Variants in PRDM2 observed in about 807,000 individuals in gnomAD.
PRDM2 encodes the protein PR/SET domain 2.
Under a neutral mutation model 130.0 loss-of-function variants are expected in PRDM2, and 30 were observed. The observed-to-expected ratio is 0.23, with a 90% CI of 0.17 to 0.31. The LOEUF (loss-of-function observed/expected upper bound fraction) is 0.31. Ranked by LOEUF, PRDM2 falls within the 10% of genes least tolerant of loss-of-function variation. The pLI is 1.00. For missense variants in PRDM2, 2,011 were observed against 2,108.4 expected (o/e 0.95, Z 0.90); for synonymous variants, 871 against 782.4 (o/e 1.11, Z -1.89).
At chr1:13,822,818 A>G (rs1365122123) in intron 9 of PRDM2, among the ~76,000 whole-genome samples, 1 of 152,156 alleles carries the variant, frequency 6.6e-6, no homozygotes, top group Non-Finnish European at 1.5e-5. Flanking sequence ...GAGATTACTG[A>G]TTGACCCTAT....
At chr1:13,720,231 G>A (rs1642678779) in intron 2 of PRDM2, among the ~76,000 whole-genome samples, 2 of 152,196 alleles carry the variant, frequency 1.3e-5, no homozygotes, top group African/African-American at 2.4e-5. Context: ...ACATTAGTAT[G>A]TGTTGACCAT....
chr1:13,705,981 C>CAAAAAAA (rs61072408), intron 1 of PRDM2, among the ~76,000 whole-genome samples: 1 of 56,774 alleles, frequency 1.8e-5, no homozygotes. Context: ...GACTCCGTCT[C>CAAAAAAA]AAAAAAAAAA....
chr1:13,757,521 T>C (rs980141782), intron 6 of PRDM2, among the ~76,000 whole-genome samples: 5 of 152,250 alleles, frequency 3.3e-5, no homozygotes, highest in African/African-American at 1.2e-4. Flanking sequence ...GTGTTGAGAC[T>C]GGGTTAACAG....
At position 13,779,762 on chromosome 1, in the gene PRDM2, C is replaced by G. The variant is rs997988365; in HGVS notation, c.1967C>G (p.Ser656Cys). ...CCCAAAATTAAGGCCGAAACAGACT[C>G]TGACCCCATGGTCCCCTCTTGCTCT... ...ALPKIKAETD[S>C]DPMVPSCSLS... The change falls in exon 8 of 10, where the codon TCT becomes TGT. Residue 656 changes from serine to cysteine, a missense_variant. Ser to Cys is a moderately radical substitution (Grantham distance 112). Transcript: ENST00000311066. This position sits in a 1 kb window ranked among gnomAD's most constrained non-coding sequence, Gnocchi z 4.9. The G allele has an allele frequency of 6.2e-7, 1 of 1,614,244 alleles. No homozygotes were observed. Among genetic ancestry groups the G allele is most frequent in the Non-Finnish European group, 8.5e-7 (1 of 1,180,050 alleles).
intron 8 of PRDM2, among the ~76,000 whole-genome samples, chr1:13,802,218 C>T (rs865947402): frequency 6.6e-6 from 1 of 152,204 alleles, no homozygotes; most frequent in Non-Finnish European, 1.5e-5. Context: ...TGTTGAACAA[C>T]ACCCGTTCAG....
chr1:13,715,759 C>A, intron 2 of PRDM2, 145 bp downstream of exon 2: 1 of 693,468 alleles, frequency 1.4e-6, no homozygotes, highest in Non-Finnish European at 2.3e-6. Flanking sequence ...TCATTGTGTT[C>A]ATACCGTGCA....
intron 3 of PRDM2, among the ~76,000 whole-genome samples, chr1:13,732,102 C>G (rs1419623544): frequency 6.6e-6 from 1 of 152,114 alleles, no homozygotes; most frequent in African/African-American, 2.4e-5. Flanking sequence ...GGGCCAGACT[C>G]CTGCCATTTT....
At chr1:13,712,538 A>G (rs1400408654) in intron 1 of PRDM2, among the ~76,000 whole-genome samples, 1 of 152,096 alleles carries the variant, frequency 6.6e-6, no homozygotes, top group African/African-American at 2.4e-5. Context: ...AAACTGCAGC[A>G]CATTTTGGGT....
Position 13,806,302 on chromosome 1 carries a change from C to T in PRDM2, c.5037-10125C>T, listed in dbSNP as rs138662883. ...ATCCCTGGGCTCTGTCCCCTCGCTCCGTCTCCGCTCCCCCTTGGTGATCTC... is the reference window on the plus strand; with the variant it reads ...ATCCCTGGGCTCTGTCCCCTCGCTCTGTCTCCGCTCCCCCTTGGTGATCTC... On this transcript the variant is annotated intron_variant, in intron 8 of 9. Transcript: ENST00000311066. The surrounding 1 kb of genome is among the most constrained non-coding windows in gnomAD (Gnocchi z 4.1). Among the ~76,000 whole-genome samples the T allele has an allele frequency of 1.8e-4, 27 of 152,268 alleles. No homozygotes were observed. Among genetic ancestry groups the T allele is most frequent in the African/African-American group, 6.3e-4 (26 of 41,532 alleles).
Position 13,779,201 on chromosome 1 carries a change from A to G in PRDM2, c.1406A>G (p.Asn469Ser). Residue 469 changes from asparagine to serine, a missense_variant, in exon 8 of 10, where the codon AAT becomes AGT. By Grantham distance (46) the Asn-to-Ser change is conservative. This residue lies in a region of PRDM2 where 1,288 missense variants were observed against 1,237.7 expected (regional missense o/e 1.04). Coordinates refer to ENST00000311066, the MANE Select transcript of PRDM2 (RefSeq NM_001393986.1). This position sits in a 1 kb window ranked among gnomAD's most constrained non-coding sequence, Gnocchi z 4.9. Reference protein sequence around the residue: ...NSEKASQDTINSSVVEENGEV... With the variant: ...NSEKASQDTISSSVVEENGEV... ...GAGAAGGCTTCCCAAGACACAATAA[A>G]TTCTTCTGTCGTAGAAGAGAATGGG... The G allele has an allele frequency of 6.2e-7, 1 of 1,614,176 alleles. No homozygotes were observed. The highest frequency in any genetic ancestry group is 8.5e-7 in the Non-Finnish European group (1 of 1,180,020).
Position 13,823,319 on chromosome 1 carries a change from G to A in PRDM2, c.*184G>A, listed in dbSNP as rs1055193150. 56 of 1,071,418 alleles carry A rather than the reference G, an allele frequency of 5.2e-5. 1 individual carries two copies. Among genetic ancestry groups the A allele is most frequent in the Non-Finnish European group, 7.1e-5 (51 of 716,984 alleles). The allele number at this position is 1,071,418 out of a possible 1,614,324, so 66.4% of individuals were successfully genotyped here. A position where few individuals can be genotyped will look rare whatever the true frequency, so the allele number is the denominator to read the frequency against. The stretch of plus-strand genomic sequence containing the variant: ...TGTGTTCACGTGTTCTCGTGCGGGC[G>A]CGTGAGTGGTCTTCAAACGAGGGTC... On this transcript the variant is annotated 3_prime_UTR_variant, in exon 10 of 10. Coordinates refer to ENST00000311066, the MANE Select transcript of PRDM2 (RefSeq NM_001393986.1).
chr1:13,743,215 T>C lies in PRDM2; in HGVS notation c.384+1058T>C, dbSNP rs568594207. Reference sequence around the variant, plus strand: ...GAGATTGAGACCATCCTGGCTAACATGGTGAAACCCCGTCTCTACTAAAAA... The same window carrying C: ...GAGATTGAGACCATCCTGGCTAACACGGTGAAACCCCGTCTCTACTAAAAA... On this transcript the variant is annotated intron_variant, in intron 5 of 9. Transcript: ENST00000311066. 1.1e-3 allele frequency among the ~76,000 whole-genome samples: 163 copies of C among 151,978 alleles called. 1 individual carries two copies. Among genetic ancestry groups the C allele is most frequent in the African/African-American group, 3.6e-3 (150 of 41,470 alleles).
At chr1:13,744,956 G>A (rs1242591221) in intron 5 of PRDM2, among the ~76,000 whole-genome samples, 1 of 152,124 alleles carries the variant, frequency 6.6e-6, no homozygotes, top group Non-Finnish European at 1.5e-5. Flanking sequence ...CAGATAATTG[G>A]GAAATCTCAA....
At chr1:13,772,621 A>G (rs570968196) in intron 6 of PRDM2, among the ~76,000 whole-genome samples, 4 of 152,348 alleles carry the variant, frequency 2.6e-5, no homozygotes, top group African/African-American at 9.6e-5. Flanking sequence ...TGCTTCCAAC[A>G]ATTATGGATA....
chr1:13,778,849 G>T lies in PRDM2; in HGVS notation c.1054G>T (p.Gly352Cys). The T allele has an allele frequency of 6.2e-7, 1 of 1,614,182 alleles. No individual in the cohort carries two copies. The highest frequency in any genetic ancestry group is 8.5e-7 in the Non-Finnish European group (1 of 1,180,040). Residue 352 changes from glycine to cysteine, a missense_variant, in exon 8 of 10, where the codon GGT becomes TGT. By Grantham distance (159) the Gly-to-Cys change is radical. Transcript: ENST00000311066. ...CCCCAGAACTAAAGAAGAGGCCAAT[G>T]GTGATGTATTTGAAACGTTTATGTT... is the stretch of plus-strand genomic sequence containing the variant. ...QIPRTKEEAN[G>C]DVFETFMFPC...
intron 5 of PRDM2, among the ~76,000 whole-genome samples, chr1:13,747,694 T>A (rs1643653617): frequency 6.6e-6 from 1 of 150,884 alleles, no homozygotes; most frequent in Non-Finnish European, 1.5e-5. Context: ...TTTTGGGGGC[T>A]TTATCTAGAC....
chr1:13,751,492 C>G (rs1002050200), intron 6 of PRDM2, among the ~76,000 whole-genome samples: 1 of 149,678 alleles, frequency 6.7e-6, no homozygotes, highest in African/African-American at 2.5e-5. Context: ...CAGTTAAAAC[C>G]AATTTATAGC....
Position 13,821,315 on chromosome 1 carries a change from G to T in PRDM2, c.*24-1844G>T, listed in dbSNP as rs1027653372. Among the ~76,000 whole-genome samples the T allele has an allele frequency of 2.6e-5, 4 of 151,960 alleles. No homozygotes were observed. The East Asian group carries it at 5.8e-4, about 22-fold the overall frequency. ...TTATTGAAATATTACATTATTAGTGGTAGTAATAATAATAGCAGTAGTTAT... is the reference window on the plus strand; with the variant it reads ...TTATTGAAATATTACATTATTAGTGTTAGTAATAATAATAGCAGTAGTTAT... On this transcript the variant is annotated intron_variant, in intron 9 of 9. Transcript: ENST00000311066.
rs770639896 is a variant in PRDM2 at position 13,781,045 on chromosome 1, G to C, written c.3250G>C (p.Val1084Leu). ...ACCTCCTCTCTCCGCAATATCATCT[G>C]TTGTTTCCTCTGGTGATAATCTGGA... is the stretch of plus-strand genomic sequence containing the variant. ...SPPPLSAISS[V>L]VSSGDNLEAS... The change falls in exon 8 of 10, where the codon GTT becomes CTT. Residue 1084 changes from valine (V) to leucine (L), a missense_variant. Val to Leu is a conservative substitution (Grantham distance 32). Around this residue, in one of 5 missense-constraint regions of PRDM2, gnomAD observed 1,288 missense variants for 1,237.7 expected, o/e 1.04. Transcript: ENST00000311066. This position sits in a 1 kb window ranked among gnomAD's most constrained non-coding sequence, Gnocchi z 6.1. 3 of 1,611,282 alleles carry C rather than the reference G, an allele frequency of 1.9e-6. No homozygotes were observed. The highest frequency in any genetic ancestry group is 2.2e-5 in the South Asian group (2 of 91,022).
Sources: allele counts gnomAD v4.1 joint callset (sites outside exome capture counted in the v4.1 genomes callset), GRCh38; gene constraint gnomAD v4.1.1; regional missense constraint gnomAD v4.1.1; non-coding constraint Gnocchi (gnomAD v3.1); transcripts MANE v1.5; gene names NCBI Gene and HGNC (gene_info 2026-07-23, HGNC 2026-07-21).